MECR: variants seen among roughly 807,000 people sequenced by gnomAD.
The protein encoded by MECR is enoyl-[acyl-carrier-protein] reductase, mitochondrial.
MECR carries 37 observed loss-of-function variants against 49.1 expected under a neutral mutation model. The observed-to-expected ratio is 0.75, with a 90% CI of 0.58 to 0.99. The LOEUF (loss-of-function observed/expected upper bound fraction) is 0.99, where lower values mean the gene tolerates loss of function less well. Among genes scored for constraint, MECR ranks in the 50% least tolerant of loss-of-function variants. MECR has a pLI of 0.00. For synonymous variants in MECR, 198 were observed against 191.1 expected, an observed-to-expected ratio of 1.04 and a Z score of -0.30; for missense variants, 470 against 479.6, an observed-to-expected ratio of 0.98 and a Z score of 0.19.
chr1:29,183,629 G>C, the MECR span, among the ~76,000 whole-genome samples: 2 of 152,144 alleles, frequency 1.3e-5, no homozygotes, highest in African/African-American at 4.8e-5. Context: ...TCATATGTTT[G>C]AGATATATTT....
At chr1:29,181,980 C>T in the MECR span, 68 of 373,512 alleles carry the variant, frequency 1.8e-4, no homozygotes, top group Non-Finnish European at 2.2e-4. Context: ...GTTCGCTTCC[C>T]GCTCGGCCAG....
rs188387744 is a variant in MECR at position 29,202,302 on chromosome 1, T to G, written c.654-257A>C. On this transcript the variant is annotated intron_variant, in intron 5 of 9. Transcript: ENST00000263702. Reference sequence around the variant, plus strand: ...GACAGCTCAATAGTGTTAGAAGCCATCTGTGCCCAGGGAGAAGTCACTTAA... The same window carrying G: ...GACAGCTCAATAGTGTTAGAAGCCAGCTGTGCCCAGGGAGAAGTCACTTAA... Among the ~76,000 whole-genome samples the G allele has an allele frequency of 3.6e-3, 542 of 152,290 alleles. 3 individuals carry two copies. The highest frequency in any genetic ancestry group is 0.01 in the Middle Eastern group (3 of 294).
Position 29,194,061 on chromosome 1 carries a change from C to T in MECR, c.1083G>A (p.Met361Ile), listed in dbSNP as rs1223227119. ...QDYQSALEAS[M>I]KPFISSKQIL... ...TCTGCTTTGAAGATATGAAGGGCTTCATGGAGGCTTCCAAGGCAGACTGGT... is the reference window on the plus strand; with the variant it reads ...TCTGCTTTGAAGATATGAAGGGCTTTATGGAGGCTTCCAAGGCAGACTGGT... Residue 361 changes from methionine (M) to isoleucine (I), a missense_variant, in exon 10 of 10, where the codon ATG (methionine) becomes ATA (isoleucine). Met to Ile is a conservative substitution (Grantham distance 10). Transcript: ENST00000263702. 1 of 1,614,200 alleles carries T rather than the reference C, an allele frequency of 6.2e-7. No individual in the cohort carries two copies. Among genetic ancestry groups the T allele is most frequent in the East Asian group, 2.2e-5 (1 of 44,880 alleles).
At chr1:29,196,512 C>A (rs986244727) in intron 7 of MECR, among the ~76,000 whole-genome samples, 2 of 151,954 alleles carry the variant, frequency 1.3e-5, no homozygotes, top group East Asian at 1.9e-4. Context: ...CAAAAGGAGA[C>A]CCCATCTCTA....
the MECR span, among the ~76,000 whole-genome samples, chr1:29,174,675 GTTT>G: frequency 6.9e-5 from 9 of 130,692 alleles, no homozygotes; most frequent in African/African-American, 8.5e-5. Flanking sequence ...CAGGAGATAG[GTTT>G]TTTTTTTTTT....
At chr1:29,196,351 C>G (rs1283039822) in intron 7 of MECR, 93 bp from the exon 8 acceptor site, 80 of 1,111,012 alleles carry the variant, frequency 7.2e-5, no homozygotes, top group Non-Finnish European at 9.3e-5. Context: ...ACCCTGGTTC[C>G]TTTATAAACC....
chr1:29,185,119 T>G, the MECR span, among the ~76,000 whole-genome samples: 1 of 151,942 alleles, frequency 6.6e-6, no homozygotes, highest in Non-Finnish European at 1.5e-5. Flanking sequence ...AGAGCGAAAC[T>G]TTGTCTCAAA....
intron 5 of MECR, 147 bp from the exon 6 acceptor site, chr1:29,202,192 G>C (rs1675486888): frequency 1.5e-6 from 1 of 683,536 alleles, no homozygotes; most frequent in Non-Finnish European, 2.6e-6. Flanking sequence ...GCAGGGACCA[G>C]CCACCTAATT....
chr1:29,176,187 A>G, the MECR span, among the ~76,000 whole-genome samples: 3 of 151,858 alleles, frequency 2.0e-5, no homozygotes, highest in Non-Finnish European at 4.4e-5. Context: ...AAAAGGCGGA[A>G]GTTGCAGTGA....
intron 1 of MECR, chr1:29,223,996 C>T (rs1681429086): frequency 6.6e-6 from 1 of 152,118 alleles, no homozygotes. Flanking sequence ...CATTTTTTGG[C>T]TCTTTAGCAC....
At position 29,203,367 on chromosome 1, in the gene MECR, C is replaced by A. The variant is rs531502713; in HGVS notation, c.551-134G>T. On this transcript the variant is annotated intron_variant, in intron 4 of 9. Transcript: ENST00000263702. Reference sequence around the variant, plus strand: ...GGGACCCAGGACCTGGCTGCTGAGTCTTCTCAGACCTTCCACTGTTTCTCA... The same window carrying A: ...GGGACCCAGGACCTGGCTGCTGAGTATTCTCAGACCTTCCACTGTTTCTCA... The A allele has an allele frequency of 2.4e-4, 146 of 606,974 alleles. 8 individuals carry two copies. Among genetic ancestry groups the A allele is most frequent in the South Asian group, 5.5e-4 (27 of 48,702 alleles). 37.6% of individuals were successfully genotyped at this position (606,974 alleles called of 1,614,324 possible). A position where few individuals can be genotyped will look rare whatever the true frequency, so the allele number is the denominator to read the frequency against.
chr1:29,202,779 C>T (rs1452997011), intron 5 of MECR, among the ~76,000 whole-genome samples: 3 of 152,148 alleles, frequency 2.0e-5, no homozygotes, highest in Non-Finnish European at 4.4e-5. Flanking sequence ...AGACAGTTCA[C>T]AGAAAGAATA....
downstream of MECR, among the ~76,000 whole-genome samples, chr1:29,190,885 C>A (rs928027453): frequency 2.6e-5 from 4 of 151,906 alleles, no homozygotes; most frequent in Admixed American, 2.6e-4. Flanking sequence ...ATCTTGTTAG[C>A]TGCAAGGGAT....
chr1:29,216,282 T>G, intron 2 of MECR, 146 bp from the exon 3 acceptor site: 1 of 887,988 alleles, frequency 1.1e-6, no homozygotes, highest in Non-Finnish European at 1.7e-6. Context: ...CTTGCTTGTC[T>G]GTATAGGGGG....
chr1:29,221,837 C>T (rs1027809725), intron 1 of MECR, among the ~76,000 whole-genome samples: 15 of 152,122 alleles, frequency 9.9e-5, no homozygotes, highest in Admixed American at 9.2e-4. Context: ...GAAATGACAA[C>T]TTATGTCGAT....
intron 3 of MECR, among the ~76,000 whole-genome samples, chr1:29,207,245 G>A (rs1355779265): frequency 1.3e-5 from 2 of 151,910 alleles, no homozygotes; most frequent in African/African-American, 4.8e-5. Context: ...GCAGCCCCCT[G>A]AGTAGCTGGG....
the MECR span, among the ~76,000 whole-genome samples, chr1:29,187,206 G>A: frequency 7.2e-5 from 11 of 152,200 alleles, no homozygotes; most frequent in East Asian, 3.9e-4. Flanking sequence ...ACAGGTTAAC[G>A]CAAGAGCTTT....
chr1:29,209,094 C>T (rs1677309921), intron 3 of MECR, among the ~76,000 whole-genome samples: 1 of 152,042 alleles, frequency 6.6e-6, no homozygotes, highest in South Asian at 2.1e-4. Flanking sequence ...CAGCAGGGGC[C>T]GGGCAGGTGA....
chr1:29,171,055 C>A, the MECR span: 1 of 152,140 alleles, frequency 6.6e-6, no homozygotes, highest in African/African-American at 2.4e-5. Context: ...CCCTCACCTT[C>A]AGGGTACTAT....
Sources: allele counts gnomAD v4.1 joint callset (sites outside exome capture counted in the v4.1 genomes callset), GRCh38; gene constraint gnomAD v4.1.1; transcripts MANE v1.5; gene names NCBI Gene and HGNC (gene_info 2026-07-23, HGNC 2026-07-21).